The following TTC29 variants were observed in gnomAD, a reference collection of about 807,000 sequenced individuals.
TTC29 encodes the protein tetratricopeptide repeat protein 29.
In TTC29, 49 loss-of-function variants were observed where a neutral mutation model predicts 58.1. That is an observed-to-expected ratio of 0.84 (90% CI 0.67 to 1.07). The LOEUF is 1.07. Among genes scored for constraint, TTC29 ranks in the 50% least tolerant of loss-of-function variants. The pLI is 0.00. For missense variants in TTC29, 582 were observed against 555.6 expected, an observed-to-expected ratio of 1.05 and a Z score of -0.48; for synonymous variants, 209 against 196.8, an observed-to-expected ratio of 1.06 and a Z score of -0.52.
At chr4:146,752,599 T>C (rs889069610) in intron 11 of TTC29, among the ~76,000 whole-genome samples, 22 of 151,788 alleles carry the variant, frequency 1.4e-4, no homozygotes, top group African/African-American at 5.3e-4. Flanking sequence ...GCCAAGTCAA[T>C]CCTAAGCCAA....
intron 8 of TTC29, among the ~76,000 whole-genome samples, chr4:146,851,134 A>C (rs576204123): frequency 6.6e-6 from 1 of 152,328 alleles, no homozygotes; most frequent in Admixed American, 6.5e-5. Flanking sequence ...TACTTTTACT[A>C]TTCTGTAATT....
chr4:146,741,542 T>A (rs1460636762), intron 11 of TTC29, among the ~76,000 whole-genome samples: 1 of 152,046 alleles, frequency 6.6e-6, no homozygotes, highest in Non-Finnish European at 1.5e-5. Context: ...CATCGAACAT[T>A]GCCCTAATTC....
At chr4:146,752,804 G>A (rs887162030) in intron 11 of TTC29, among the ~76,000 whole-genome samples, 6 of 152,110 alleles carry the variant, frequency 3.9e-5, no homozygotes, top group African/African-American at 1.4e-4. Context: ...AATGGGAAAA[G>A]GATTCCCTAT....
intron 4 of TTC29, among the ~76,000 whole-genome samples, chr4:146,924,158 C>G (rs1734776135): frequency 6.6e-6 from 1 of 151,958 alleles, no homozygotes; most frequent in African/African-American, 2.4e-5. Flanking sequence ...ACTTAATACA[C>G]TTAAATCTCA....
intron 8 of TTC29, among the ~76,000 whole-genome samples, chr4:146,846,021 A>C (rs1341255463): frequency 6.6e-6 from 1 of 152,156 alleles, no homozygotes; most frequent in Non-Finnish European, 1.5e-5. Context: ...ACTATTGTAG[A>C]GCCCTTGGGA....
In TTC29 at chr4:146,866,122, T is replaced by C. The variant is rs558539034; in HGVS notation, c.885+1376A>G. ...CTGTGTTTGTCTCTGAGAAAAGAAC[T>C]GTGAGACTGAGTACAGGGAAGGAAA... On this transcript the variant is annotated intron_variant, in intron 8 of 12. Coordinates refer to ENST00000325106, the MANE Select transcript of TTC29 (RefSeq NM_031956.4). 1.8e-4 allele frequency among the ~76,000 whole-genome samples: 28 copies of C among 152,324 alleles called. No homozygotes were observed. The South Asian group carries it at 5.8e-3, about 32-fold the overall frequency.
chr4:146,898,457 G>A (rs1176397968), intron 6 of TTC29, among the ~76,000 whole-genome samples: 2 of 152,202 alleles, frequency 1.3e-5, no homozygotes, highest in East Asian at 3.8e-4. Context: ...AGCTAGTCAG[G>A]ACAGCTGTTT....
chr4:146,753,846 T>C (rs886159805), intron 11 of TTC29, among the ~76,000 whole-genome samples: 2 of 151,828 alleles, frequency 1.3e-5, no homozygotes, highest in Non-Finnish European at 2.9e-5. Context: ...TAGGTGGGAA[T>C]TGAACAATAA....
At chr4:146,851,928 G>C (rs1156908056) in intron 8 of TTC29, among the ~76,000 whole-genome samples, 1 of 152,180 alleles carries the variant, frequency 6.6e-6, no homozygotes, top group African/African-American at 2.4e-5. Context: ...TTTCTAGCCT[G>C]ATGCCACTTA....
chr4:146,744,247 A>G (rs960472998), intron 11 of TTC29, among the ~76,000 whole-genome samples: 1 of 151,952 alleles, frequency 6.6e-6, no homozygotes, highest in Non-Finnish European at 1.5e-5. Context: ...AGAGGGAGAG[A>G]GATGCCAGGC....
At chr4:146,859,806 TAGAA>T (rs1283869096) in intron 8 of TTC29, among the ~76,000 whole-genome samples, 3 of 152,056 alleles carry the variant, frequency 2.0e-5, no homozygotes, top group Admixed American at 6.6e-5. Flanking sequence ...GTTAGAGAAA[TAGAA>T]GGAAAGAGGA....
At chr4:146,889,324 T>C (rs1314017815) in intron 6 of TTC29, among the ~76,000 whole-genome samples, 5 of 152,280 alleles carry the variant, frequency 3.3e-5, no homozygotes, top group South Asian at 4.1e-4. Flanking sequence ...TAATTTGTAA[T>C]TTAATGAGAT....
chr4:146,834,017 T>C, intron 8 of TTC29, 120 bp from the exon 9 acceptor site: 2 of 613,298 alleles, frequency 3.3e-6, no homozygotes, highest in South Asian at 2.7e-5. Context: ...AAAAATTTTG[T>C]TGATTAAAAA....
intron 4 of TTC29, among the ~76,000 whole-genome samples, chr4:146,916,048 C>G (rs1031432498): frequency 1.3e-5 from 2 of 151,948 alleles, no homozygotes; most frequent in African/African-American, 4.8e-5. Flanking sequence ...ATAAATGTTA[C>G]TGGAATCACC....
intron 3 of TTC29, among the ~76,000 whole-genome samples, chr4:146,938,820 A>G (rs1236408651): frequency 2.0e-5 from 3 of 152,246 alleles, no homozygotes; most frequent in Non-Finnish European, 2.9e-5. Flanking sequence ...AAGTAGGCAT[A>G]TAAAGAAAAT....
chr4:146,817,434 G>T (rs1203650163), intron 10 of TTC29, among the ~76,000 whole-genome samples: 2 of 152,062 alleles, frequency 1.3e-5, no homozygotes, highest in Non-Finnish European at 2.9e-5. Flanking sequence ...AATAAAAGAG[G>T]ATACAAACAA....
intron 10 of TTC29, among the ~76,000 whole-genome samples, chr4:146,812,120 A>C (rs1751066105): frequency 6.6e-6 from 1 of 152,196 alleles, no homozygotes; most frequent in South Asian, 2.1e-4. Flanking sequence ...AATATTACAA[A>C]TATTGAAGAT....
chr4:146,826,294 G>C (rs1263049010), intron 9 of TTC29, among the ~76,000 whole-genome samples: 1 of 152,130 alleles, frequency 6.6e-6, no homozygotes, highest in Non-Finnish European at 1.5e-5. Flanking sequence ...GAAGCACCAG[G>C]AAAGGCCTGG....
At chr4:146,722,303 C>T (rs780493794) in intron 11 of TTC29, among the ~76,000 whole-genome samples, 5 of 152,012 alleles carry the variant, frequency 3.3e-5, no homozygotes, top group East Asian at 3.8e-4. Flanking sequence ...TTTTCACAAA[C>T]GGATAAAAAA....
Sources: gnomAD v4.1 joint callset for allele counts (sites outside exome capture counted in the v4.1 genomes callset) on GRCh38, gnomAD v4.1.1 for gene constraint, MANE v1.5 for transcripts, NCBI Gene and HGNC (gene_info 2026-07-23, HGNC 2026-07-21) for gene names.